AHCY: variants seen among roughly 807,000 people sequenced by gnomAD.
AHCY encodes S-adenosyl-L-homocysteine hydrolase.
Under a neutral mutation model 45.4 loss-of-function variants are expected in AHCY, and 24 were observed. The ratio of observed to expected loss-of-function variants is 0.53; its 90% confidence interval spans 0.38 to 0.74. The LOEUF (loss-of-function observed/expected upper bound fraction) is 0.74. Ranked by LOEUF, AHCY falls within the 30% of genes least tolerant of loss-of-function variation. The probability of loss-of-function intolerance (pLI) is 0.00; values close to 1 mark genes in which losing one functional copy is unlikely to be tolerated. For synonymous variants in AHCY, 245 were observed against 235.1 expected (o/e 1.04, Z -0.39); for missense variants, 449 against 594.1 (o/e 0.76, Z 2.54).
intron 2 of AHCY, 64 bp downstream of exon 2, chr20:34,295,331 T>A (rs1398883128): frequency 2.5e-6 from 4 of 1,597,936 alleles, no homozygotes; most frequent in Non-Finnish European, 3.4e-6. Context: ...GGCACAGTCG[T>A]CTTCTTCCCT....
At chr20:34,259,840 C>T in the AHCY span, among the ~76,000 whole-genome samples, 1 of 152,142 alleles carries the variant, frequency 6.6e-6, no homozygotes, top group Non-Finnish European at 1.5e-5. Context: ...CAAACTATAC[C>T]TGCATTCGTT....
chr20:34,251,809 C>G, the AHCY span, among the ~76,000 whole-genome samples: 1 of 152,162 alleles, frequency 6.6e-6, no homozygotes, highest in Non-Finnish European at 1.5e-5. Context: ...AGGGAAAGCC[C>G]TTCCACCTTG....
chr20:34,236,278 G>A, the AHCY span, among the ~76,000 whole-genome samples: 278 of 152,262 alleles, frequency 1.8e-3, no homozygotes, highest in African/African-American at 6.5e-3. Flanking sequence ...AGTGGCTCAC[G>A]CCTATAATCC....
downstream of AHCY, among the ~76,000 whole-genome samples, chr20:34,275,754 TCTAA>T (rs759457668): frequency 2.0e-4 from 31 of 151,266 alleles, no homozygotes; most frequent in Non-Finnish European, 3.7e-4. Context: ...CTCAACTCAC[TCTAA>T]CTGCCACCTC....
the AHCY span, among the ~76,000 whole-genome samples, chr20:34,246,948 GT>G: frequency 2.3e-4 from 34 of 150,598 alleles, no homozygotes; most frequent in African/African-American, 7.8e-4. Flanking sequence ...TATGTTTTTA[GT>G]TTTTTTTGTT....
the AHCY span, chr20:34,268,927 G>A: frequency 6.5e-7 from 1 of 1,543,796 alleles, no homozygotes. Context: ...GAGCTCCCAG[G>A]CAGAGGTGAG....
At chr20:34,298,605 CGGGA>C (rs1568810731) in intron 1 of AHCY, among the ~76,000 whole-genome samples, 3 of 31,262 alleles carry the variant, frequency 9.6e-5, no homozygotes, top group Admixed American at 4.2e-4. Flanking sequence ...GTGGCGGCGG[CGGGA>C]GGGGGGGGGG....
chr20:34,279,008 C>T (rs1272278709), downstream of AHCY, among the ~76,000 whole-genome samples: 3 of 146,326 alleles, frequency 2.1e-5, no homozygotes, highest in Non-Finnish European at 3.0e-5. Context: ...ACTTGGGAGG[C>T]TGAGGCAGGA....
At chr20:34,264,136 AATCT>A in the AHCY span, among the ~76,000 whole-genome samples, 1 of 152,230 alleles carries the variant, frequency 6.6e-6, no homozygotes, top group East Asian at 1.9e-4. Context: ...AATATACATA[AATCT>A]ATTATAAAAA....
the AHCY span, among the ~76,000 whole-genome samples, chr20:34,259,757 A>G: frequency 6.6e-6 from 1 of 152,056 alleles, no homozygotes; most frequent in African/African-American, 2.4e-5. Context: ...TCTAAAAAAA[A>G]AAAAATCCAG....
chr20:34,263,041 T>C, the AHCY span: 12 of 942,662 alleles, frequency 1.3e-5, no homozygotes, highest in Admixed American at 2.8e-4. Context: ...AAAGACTTCC[T>C]GGCTTGAGCT....
At chr20:34,299,087 C>T (rs904440506) in intron 1 of AHCY, among the ~76,000 whole-genome samples, 2 of 152,110 alleles carry the variant, frequency 1.3e-5, no homozygotes, top group Non-Finnish European at 2.9e-5. Context: ...AGTGGTCCCC[C>T]GGGCCCAGCT....
chr20:34,291,533 TA>T lies in AHCY; in HGVS notation c.446-3del. The stretch of plus-strand genomic sequence containing the variant: ...TCTCCTCAGAGATGCCTCGGATGCC[TA>T]AACAAGAGGGGACAGGACAAGCCTC... On this transcript the variant is annotated splice_region_variant and splice_polypyrimidine_tract_variant and intron_variant, in intron 4 of 9. Transcript: ENST00000217426. 4 of 1,613,254 alleles carry T rather than the reference TA, an allele frequency of 2.5e-6. No individual in the cohort carries two copies. The highest frequency in any genetic ancestry group is 2.5e-6 in the Non-Finnish European group (3 of 1,179,252).
chr20:34,294,652 G>A (rs1034192419), intron 2 of AHCY, among the ~76,000 whole-genome samples: 2 of 152,140 alleles, frequency 1.3e-5, no homozygotes, highest in African/African-American at 4.8e-5. Context: ...AGGTGGGGAA[G>A]GCTTTGGGAA....
chr20:34,274,708 A>G, the AHCY span, among the ~76,000 whole-genome samples: 1 of 152,194 alleles, frequency 6.6e-6, no homozygotes, highest in African/African-American at 2.4e-5. Flanking sequence ...GCACTTTGGG[A>G]GGCCGAGGCA....
chr20:34,281,340 C>T (rs1325707299), intron 9 of AHCY, among the ~76,000 whole-genome samples, 175 bp from the exon 10 acceptor site: 1 of 152,178 alleles, frequency 6.6e-6, no homozygotes, highest in African/African-American at 2.4e-5. Context: ...TTTGGCTGCC[C>T]AGCCCCCCTC....
chr20:34,281,028 T>A lies in AHCY; in HGVS notation c.*6A>T. On this transcript the variant is annotated 3_prime_UTR_variant, in exon 10 of 10. Coordinates refer to ENST00000217426, the MANE Select transcript of AHCY (RefSeq NM_000687.4). ...GCAGCTGGAGGGTGAAACGCAGACC[T>A]GGCTCTCAGTAGCGGTAGTGATCCG... 6.2e-7 allele frequency: 1 copy of A among 1,614,088 alleles called. No homozygotes were observed.
the AHCY span, among the ~76,000 whole-genome samples, chr20:34,272,096 A>G: frequency 1.2e-4 from 18 of 152,064 alleles, no homozygotes; most frequent in Non-Finnish European, 2.4e-4. Context: ...CAAGCGGACA[A>G]TGTCTTCCAA....
At chr20:34,271,455 G>A in the AHCY span, among the ~76,000 whole-genome samples, 5 of 152,068 alleles carry the variant, frequency 3.3e-5, no homozygotes, top group Admixed American at 3.3e-4. Flanking sequence ...CTTGACCTAG[G>A]AAGATTTGCC....
Sources: allele counts gnomAD v4.1 joint callset (sites outside exome capture counted in the v4.1 genomes callset), GRCh38; gene constraint gnomAD v4.1.1; transcripts MANE v1.5; gene names NCBI Gene and HGNC (gene_info 2026-07-23, HGNC 2026-07-21).